Variants in CTNNA3 observed in about 807,000 individuals in gnomAD.
The protein encoded by CTNNA3 is catenin alpha 3.
Under a neutral mutation model 95.7 loss-of-function variants are expected in CTNNA3, and 76 were observed. That is an observed-to-expected ratio of 0.79 (90% CI 0.66 to 0.96). The LOEUF is 0.96. Among genes scored for constraint, CTNNA3 ranks in the 40% least tolerant of loss-of-function variants. The pLI, the probability that CTNNA3 is intolerant of heterozygous loss-of-function variation, is 0.00. For synonymous variants in CTNNA3, 431 were observed against 374.4 expected (o/e 1.15, Z -1.74); for missense variants, 1,191 against 1,089.8 (o/e 1.09, Z -1.31).
chr10:66,341,495 TG>T (rs1220442213), intron 12 of CTNNA3, among the ~76,000 whole-genome samples: 2 of 152,062 alleles, frequency 1.3e-5, no homozygotes, highest in African/African-American at 4.8e-5. Context: ...TAGGACTAAT[TG>T]GATACACATA....
intron 4 of CTNNA3, among the ~76,000 whole-genome samples, 172 bp from the exon 5 acceptor site, chr10:67,522,133 G>A (rs1220240596): frequency 6.6e-6 from 1 of 152,100 alleles, no homozygotes; most frequent in Non-Finnish European, 1.5e-5. Flanking sequence ...CACAGAAAGA[G>A]TTATAAACCA....
intron 2 of CTNNA3, among the ~76,000 whole-genome samples, chr10:67,637,026 T>G (rs1042685991): frequency 2.0e-5 from 3 of 152,046 alleles, no homozygotes; most frequent in African/African-American, 7.3e-5. Flanking sequence ...ATGACTTTGA[T>G]GAGTTGAGAG....
At chr10:66,061,557 G>T (rs927066099) in intron 15 of CTNNA3, among the ~76,000 whole-genome samples, 9 of 151,944 alleles carry the variant, frequency 5.9e-5, no homozygotes, top group Non-Finnish European at 1.3e-4. Context: ...TCCTTCAGTT[G>T]TTACGTATCT....
chr10:67,176,820 A>C (rs1288678020), intron 7 of CTNNA3: 1 of 415,006 alleles, frequency 2.4e-6, no homozygotes, highest in Non-Finnish European at 4.8e-6. Context: ...GCTGGCTTAG[A>C]AGATGGAGGC....
intron 9 of CTNNA3, among the ~76,000 whole-genome samples, chr10:66,723,164 C>T (rs1382141959): frequency 2.0e-5 from 3 of 152,158 alleles, no homozygotes; most frequent in Admixed American, 6.6e-5. Context: ...CTGCAGACCA[C>T]AACTTTATAA....
intron 1 of CTNNA3, among the ~76,000 whole-genome samples, chr10:67,692,973 A>G (rs1483812404): frequency 6.6e-6 from 1 of 152,196 alleles, no homozygotes; most frequent in Non-Finnish European, 1.5e-5. Flanking sequence ...CCCCATTGCC[A>G]GGAGGCATCT....
intron 15 of CTNNA3, among the ~76,000 whole-genome samples, chr10:65,996,049 G>C (rs1370140754): frequency 6.6e-6 from 1 of 152,214 alleles, no homozygotes; most frequent in Admixed American, 6.5e-5. Flanking sequence ...CCATCCTCAA[G>C]GCACGTGCAA....
chr10:67,286,835 G>A (rs999874279), intron 5 of CTNNA3, among the ~76,000 whole-genome samples: 6 of 152,162 alleles, frequency 3.9e-5, no homozygotes, highest in South Asian at 2.1e-4. Context: ...TTAATCTAGA[G>A]TTGATATAAA....
chr10:66,740,903 T>G (rs912660521), intron 9 of CTNNA3, among the ~76,000 whole-genome samples: 4 of 152,194 alleles, frequency 2.6e-5, no homozygotes, highest in Non-Finnish European at 5.9e-5. Flanking sequence ...TTGAAAAGCT[T>G]ACAATCTAGA....
chr10:66,690,424 A>G (rs1341951513), intron 9 of CTNNA3, among the ~76,000 whole-genome samples: 1 of 151,826 alleles, frequency 6.6e-6, no homozygotes, highest in African/African-American at 2.4e-5. Context: ...TGCTGCACCC[A>G]TTAACTCGTC....
chr10:66,186,833 A>G (rs953337816), intron 13 of CTNNA3, among the ~76,000 whole-genome samples: 1 of 152,132 alleles, frequency 6.6e-6, no homozygotes, highest in East Asian at 1.9e-4. Context: ...GAACACTGCA[A>G]AAAAAAGGTG....
chr10:65,919,152 CA>C lies in CTNNA3; in HGVS notation c.*1177del, dbSNP rs1366489546. The C allele has an allele frequency of 1.3e-5, 2 of 151,960 alleles. No individual in the cohort carries two copies. The highest frequency in any genetic ancestry group is 3.9e-4 in the East Asian group (2 of 5,186). 9.4% of individuals were successfully genotyped at this position (151,960 alleles called of 1,614,324 possible). A position where few individuals can be genotyped will look rare whatever the true frequency, so the allele number is the denominator to read the frequency against. On this transcript the variant is annotated 3_prime_UTR_variant, in exon 18 of 18. Transcript: ENST00000433211. ...TGAAAGACAGAGAGAGGCAGGTCAT[CA>C]GGGGAGAGAAAAAGAGAGAGAGAAT...
intron 7 of CTNNA3, among the ~76,000 whole-genome samples, chr10:66,852,448 G>T (rs1449134973): frequency 6.6e-6 from 1 of 152,004 alleles, no homozygotes; most frequent in Non-Finnish European, 1.5e-5. Context: ...ATATATTCAA[G>T]AATAAAACAT....
intron 12 of CTNNA3, among the ~76,000 whole-genome samples, chr10:66,293,044 T>C (rs1342351745): frequency 6.6e-6 from 1 of 152,196 alleles, no homozygotes; most frequent in African/African-American, 2.4e-5. Flanking sequence ...ATTTACTTAT[T>C]GATATGTATA....
At chr10:67,401,813 G>A (rs1176619752) in intron 5 of CTNNA3, among the ~76,000 whole-genome samples, 1 of 152,088 alleles carries the variant, frequency 6.6e-6, no homozygotes, top group Admixed American at 6.5e-5. Flanking sequence ...CTAGATTGTA[G>A]CCCAAACTAC....
chr10:66,669,017 C>T (rs1031604029), intron 9 of CTNNA3, among the ~76,000 whole-genome samples: 2 of 151,978 alleles, frequency 1.3e-5, no homozygotes, highest in East Asian at 1.9e-4. Flanking sequence ...TATCCATATA[C>T]TGAATATATA....
At chr10:67,491,554 A>G (rs1156888612) in intron 5 of CTNNA3, among the ~76,000 whole-genome samples, 1 of 152,238 alleles carries the variant, frequency 6.6e-6, no homozygotes, top group African/African-American at 2.4e-5. Context: ...TGCAGCTGTA[A>G]CAGTATATGC....
At chr10:67,139,299 A>ATTTTTTTTTTTT (rs60290459) in intron 7 of CTNNA3, among the ~76,000 whole-genome samples, 2 of 117,924 alleles carry the variant, frequency 1.7e-5, no homozygotes, top group African/African-American at 3.3e-5. Flanking sequence ...CGCCCGGCTA[A>ATTTTTTTTTTTT]TTTTTTTTTT....
At chr10:67,570,769 T>C (rs1841949693) in intron 3 of CTNNA3, among the ~76,000 whole-genome samples, 1 of 152,224 alleles carries the variant, frequency 6.6e-6, no homozygotes, top group Non-Finnish European at 1.5e-5. Flanking sequence ...ACTGTTTCCT[T>C]GACTAATGGA....
Sources: gnomAD v4.1 joint callset for allele counts (sites outside exome capture counted in the v4.1 genomes callset) on GRCh38, gnomAD v4.1.1 for gene constraint, MANE v1.5 for transcripts, NCBI Gene and HGNC (gene_info 2026-07-23, HGNC 2026-07-21) for gene names.